Variants in CHPT1 observed in about 807,000 individuals in gnomAD.
CHPT1 encodes cholinephosphotransferase 1.
In CHPT1, 36 loss-of-function variants were observed where a neutral mutation model predicts 47.6. The ratio of observed to expected loss-of-function variants is 0.76; its 90% CI spans 0.58 to 1.00. The LOEUF (loss-of-function observed/expected upper bound fraction) is 1.00. Among genes scored for constraint, CHPT1 ranks in the 50% least tolerant of loss-of-function variants. CHPT1 has a pLI of 0.00. For missense variants in CHPT1, 458 were observed against 498.1 expected (o/e 0.92, Z 0.77); for synonymous variants, 194 against 186.3 (o/e 1.04, Z -0.33).
chr12:101,710,009 A>G (rs564953865), intron 1 of CHPT1, among the ~76,000 whole-genome samples: 1 of 149,128 alleles, frequency 6.7e-6, no homozygotes, highest in African/African-American at 2.4e-5. Flanking sequence ...TAACTGCCCT[A>G]TCTCTGTGGA....
In CHPT1 at chr12:101,714,309, T is replaced by C. The variant is rs539281433; in HGVS notation, c.421+72T>C. 7.3e-6 allele frequency: 10 copies of C among 1,377,702 alleles called. No individual in the cohort carries two copies. The Admixed American group carries it at 2.4e-4, about 33-fold the overall frequency. The allele number at this position is 1,377,702 out of a possible 1,614,324, so 85.3% of individuals were successfully genotyped here. A position where few individuals can be genotyped will look rare whatever the true frequency, so the allele number is the denominator to read the frequency against. ...AATGAACTGAGCTGTTTGGTCAGTT[T>C]TTTGGATGGATATACATTTGGGAGC... On this transcript the variant is annotated intron_variant, in intron 2 of 8. Coordinates refer to ENST00000229266, the MANE Select transcript of CHPT1 (RefSeq NM_020244.3).
intron 5 of CHPT1, among the ~76,000 whole-genome samples, chr12:101,721,438 T>TA (rs958607506): frequency 1.1e-4 from 16 of 151,998 alleles, no homozygotes; most frequent in East Asian, 1.9e-4. Context: ...GCATTTTTAG[T>TA]AAAAAAAAGT....
intron 5 of CHPT1, among the ~76,000 whole-genome samples, chr12:101,721,209 A>G (rs1275531206): frequency 6.6e-6 from 1 of 152,148 alleles, no homozygotes; most frequent in African/African-American, 2.4e-5. Flanking sequence ...CAATTGCTTG[A>G]ACCAGGAGGC....
At chr12:101,707,896 A>G (rs1278483676) in intron 1 of CHPT1, among the ~76,000 whole-genome samples, 1 of 152,138 alleles carries the variant, frequency 6.6e-6, no homozygotes, top group Non-Finnish European at 1.5e-5. Flanking sequence ...TAATATGGAA[A>G]CGTTAAGATT....
chr12:101,725,131 A>C (rs984797017), intron 7 of CHPT1, among the ~76,000 whole-genome samples: 7 of 152,282 alleles, frequency 4.6e-5, no homozygotes, highest in African/African-American at 1.4e-4. Flanking sequence ...TATTCTGTGC[A>C]TGGATTACAG....
Position 101,697,783 on chromosome 12 carries a change from C to A in CHPT1, c.-79C>A. 1 of 464,064 alleles carries A rather than the reference C, an allele frequency of 2.2e-6. No homozygotes were observed. Among genetic ancestry groups the A allele is most frequent in the Non-Finnish European group, 2.9e-6 (1 of 346,642 alleles). The allele number at this position is 464,064 out of a possible 1,614,324, so 28.7% of individuals were successfully genotyped here. A position where few individuals can be genotyped will look rare whatever the true frequency, so the allele number is the denominator to read the frequency against. On this transcript the variant is annotated 5_prime_UTR_variant, in exon 1 of 9. Transcript: ENST00000229266. ...GGCAGTCGCAGGACCCGGCCGCCAG[C>A]CTCTCCCTCCACCTCTCCCTGCCCC...
At position 101,712,891 on chromosome 12, in the gene CHPT1, G is replaced by A. The variant is rs140241790; in HGVS notation, c.274-1199G>A. On this transcript the variant is annotated intron_variant, in intron 1 of 8. Transcript: ENST00000229266. ...GATTCTGATTGTATTCTGATTATAT[G>A]GATTTTACTTCTAGTTGTCAATTAT... 8.2e-3 allele frequency among the ~76,000 whole-genome samples: 1,216 copies of A among 148,482 alleles called. 126 individuals carry two copies. The highest frequency in any genetic ancestry group is 0.01 in the Non-Finnish European group (675 of 66,386).
At chr12:101,723,670 C>A in intron 6 of CHPT1, 52 bp from the exon 7 acceptor site, 1 of 1,109,626 alleles carries the variant, frequency 9.0e-7, no homozygotes, top group Non-Finnish European at 1.3e-6. Context: ...GTCGTAAAAG[C>A]TAACACATTT....
At chr12:101,721,623 G>T (rs1165689564) in intron 5 of CHPT1, among the ~76,000 whole-genome samples, 3 of 152,126 alleles carry the variant, frequency 2.0e-5, no homozygotes. Flanking sequence ...GTCATTTTTT[G>T]AGGTGTTTTG....
chr12:101,726,503 T>C (rs1030640891), intron 8 of CHPT1, 99 bp downstream of exon 8: 1 of 1,484,842 alleles, frequency 6.7e-7, no homozygotes, highest in Admixed American at 2.2e-5. Flanking sequence ...AGGAGGCTAG[T>C]ATACCATCAA....
chr12:101,710,399 C>T (rs1193753452), intron 1 of CHPT1, among the ~76,000 whole-genome samples: 2 of 148,860 alleles, frequency 1.3e-5, no homozygotes, highest in East Asian at 4.0e-4. Flanking sequence ...TTGAAGATCA[C>T]ATTACCTTTG....
At chr12:101,716,117 G>A (rs1290574507) in intron 3 of CHPT1, among the ~76,000 whole-genome samples, 3 of 152,260 alleles carry the variant, frequency 2.0e-5, no homozygotes, top group East Asian at 3.9e-4. Flanking sequence ...GAGCCTATTC[G>A]TGGAGCATAG....
Position 101,698,096 on chromosome 12 carries a change from C to G in CHPT1, c.235C>G (p.Leu79Val). 1 of 1,558,450 alleles carries G rather than the reference C, an allele frequency of 6.4e-7. No homozygotes were observed. The highest frequency in any genetic ancestry group is 8.6e-7 in the Non-Finnish European group (1 of 1,160,248). Residue 79 changes from leucine to valine, a missense_variant, in exon 1 of 9, where the codon CTC becomes GTC. Coordinates refer to ENST00000229266, the MANE Select transcript of CHPT1 (RefSeq NM_020244.3). Reference protein sequence around the residue: ...LGLAVNVVTTLVLISYCPTAT... With the variant: ...LGLAVNVVTTVVLISYCPTAT... ...GCTCGCCGTCAACGTGGTCACCACG[C>G]TCGTGCTCATCTCCTACTGTCCCAC...
intron 1 of CHPT1, among the ~76,000 whole-genome samples, chr12:101,701,006 A>T (rs1951546840): frequency 6.6e-6 from 1 of 152,234 alleles, no homozygotes; most frequent in Non-Finnish European, 1.5e-5. Flanking sequence ...CTACTCATAT[A>T]GGCTTTAATA....
chr12:101,703,234 T>G (rs11110971), intron 1 of CHPT1, among the ~76,000 whole-genome samples: 13,124 of 152,148 alleles, frequency 0.086, 1,444 homozygotes, highest in East Asian at 0.32. Context: ...GATGATAGAT[T>G]TGGCCTCAGG....
Position 101,723,194 on chromosome 12 carries a change from C to T in CHPT1, c.807C>T (p.Leu269=). The T allele has an allele frequency of 2.5e-6, 4 of 1,612,678 alleles. No homozygotes were observed. The highest frequency in any genetic ancestry group is 3.4e-6 in the Non-Finnish European group (4 of 1,179,156). Residue 269 remains leucine (L), a synonymous_variant, in exon 6 of 9, where the codon CTC becomes CTT. Transcript: ENST00000229266. ...GCACCAGTGTCTTGTCACCTGGACT[C>T]CACATAGGACTAATTATTATACTGG... ...IAGTSVLSPG[L]HIGLIIILAI...
chr12:101,721,826 C>T (rs925803857), intron 5 of CHPT1, among the ~76,000 whole-genome samples: 4 of 151,908 alleles, frequency 2.6e-5, no homozygotes, highest in African/African-American at 9.7e-5. Flanking sequence ...TTTGGGAGGC[C>T]GAGGCGGGCA....
At position 101,726,315 on chromosome 12, in the gene CHPT1, G is replaced by T. The variant is rs1176200044; in HGVS notation, c.1087G>T (p.Val363Leu). The T allele has an allele frequency of 1.9e-6, 3 of 1,609,514 alleles. No individual in the cohort carries two copies. The highest frequency in any genetic ancestry group is 2.5e-6 in the Non-Finnish European group (3 of 1,176,558). The change falls in exon 8 of 9, where the codon GTG becomes TTG. Residue 363 changes from valine to leucine, a missense_variant. Transcript: ENST00000229266. ...MAMVISSFDM[V>L]IYFSALCLQI... ...AAAGGTGATTTCTTCATTTGATATG[G>T]TGATATACTTTAGTGCTTTGTGCCT...
intron 8 of CHPT1, 137 bp from the exon 9 acceptor site, chr12:101,728,764 A>G: frequency 1.0e-6 from 1 of 952,812 alleles, no homozygotes; most frequent in Non-Finnish European, 1.6e-6. Flanking sequence ...CTAACTCATA[A>G]CTATTTAGAT....
Sources: allele counts gnomAD v4.1 joint callset (sites outside exome capture counted in the v4.1 genomes callset), GRCh38; gene constraint gnomAD v4.1.1; transcripts MANE v1.5; gene names NCBI Gene and HGNC (gene_info 2026-07-23, HGNC 2026-07-21).